The following ZNF407 variants were observed in gnomAD, a reference collection of about 807,000 sequenced individuals.
The protein encoded by ZNF407 is zinc finger protein 407.
Under a neutral mutation model 131.2 loss-of-function variants are expected in ZNF407, and 17 were observed. That is an observed-to-expected ratio of 0.13 (90% CI 0.09 to 0.19). ZNF407 has a LOEUF of 0.19. Among genes scored for constraint, ZNF407 ranks in the 10% least tolerant of loss-of-function variants. ZNF407 has a pLI of 1.00. For missense variants in ZNF407, 2,681 were observed against 2,830.6 expected, an observed-to-expected ratio of 0.95 and a Z score of 1.20; for synonymous variants, 1,156 against 1,062.0, an observed-to-expected ratio of 1.09 and a Z score of -1.72.
intron 3 of ZNF407, among the ~76,000 whole-genome samples, chr18:74,720,681 G>A (rs1260636931): frequency 2.0e-5 from 3 of 152,060 alleles, no homozygotes; most frequent in Non-Finnish European, 4.4e-5. Context: ...TTTGTGTAGG[G>A]TTAGAGGTGG....
chr18:75,052,920 A>C (rs940135364), intron 8 of ZNF407, among the ~76,000 whole-genome samples: 4 of 152,208 alleles, frequency 2.6e-5, no homozygotes, highest in Admixed American at 1.3e-4. Flanking sequence ...AGCTCCTTTC[A>C]AACAGGCTTT....
chr18:74,659,206 A>T (rs1258209508), intron 3 of ZNF407, among the ~76,000 whole-genome samples: 1 of 152,160 alleles, frequency 6.6e-6, no homozygotes, highest in Non-Finnish European at 1.5e-5. Context: ...TTGGATTTTG[A>T]TGATTTCATT....
At chr18:74,947,909 C>T (rs987269529) in intron 8 of ZNF407, among the ~76,000 whole-genome samples, 2 of 152,172 alleles carry the variant, frequency 1.3e-5, no homozygotes, top group African/African-American at 4.8e-5. Flanking sequence ...TTTTTATTGT[C>T]TTTTACACAA....
chr18:74,646,461 C>A (rs570688215), intron 3 of ZNF407, among the ~76,000 whole-genome samples: 1 of 151,950 alleles, frequency 6.6e-6, no homozygotes, highest in Non-Finnish European at 1.5e-5. Flanking sequence ...GTAAATGATA[C>A]GTTATATATT....
At chr18:74,728,589 G>A (rs1219866781) in intron 3 of ZNF407, among the ~76,000 whole-genome samples, 2 of 152,188 alleles carry the variant, frequency 1.3e-5, no homozygotes, top group Non-Finnish European at 2.9e-5. Flanking sequence ...TCAACAGATT[G>A]AGGTGTTGGT....
At chr18:75,045,076 A>C (rs1973417912) in intron 8 of ZNF407, among the ~76,000 whole-genome samples, 1 of 48,488 alleles carries the variant, frequency 2.1e-5, no homozygotes, top group African/African-American at 8.5e-5. Flanking sequence ...GGGTGTGGGC[A>C]TGTATGTGGG....
In ZNF407 at chr18:74,973,244, C is replaced by T. The variant is rs906548839; in HGVS notation, c.5428+52552C>T. ...AGTGTAGAAACTTTGTTTCCATTTG[C>T]TCTCCTTGACCATCTCTCATTTATA... On this transcript the variant is annotated intron_variant, in intron 8 of 8. Transcript: ENST00000299687. 2.6e-4 allele frequency among the ~76,000 whole-genome samples: 40 copies of T among 152,114 alleles called. 1 individual carries two copies. Among genetic ancestry groups the T allele is most frequent in the African/African-American group, 9.4e-4 (39 of 41,406 alleles).
chr18:74,631,630 A>G lies in ZNF407; in HGVS notation c.611A>G (p.His204Arg), dbSNP rs1984087844. The G allele has an allele frequency of 1.2e-6, 2 of 1,613,970 alleles. No homozygotes were observed. The highest frequency in any genetic ancestry group is 1.1e-5 in the South Asian group (1 of 91,070). Residue 204 changes from histidine to arginine, a missense_variant, in exon 2 of 9, where the codon CAT becomes CGT. Transcript: ENST00000299687. ...LFSSCSDLEK[H>R]AESHMQQPKE... ...TCTTCTTGCTCTGACTTGGAAAAACATGCTGAGTCTCACATGCAGCAGCCT... is the reference window on the plus strand; with the variant it reads ...TCTTCTTGCTCTGACTTGGAAAAACGTGCTGAGTCTCACATGCAGCAGCCT...
At chr18:74,779,109 A>ATATATATATATTTTT (rs397943457) in intron 3 of ZNF407, among the ~76,000 whole-genome samples, 2 of 24,376 alleles carry the variant, frequency 8.2e-5, no homozygotes, top group African/African-American at 1.4e-4. Flanking sequence ...ATATATATAT[A>ATATATATATATTTTT]TTTTTTTTTT....
At chr18:74,991,887 G>A (rs1163233783) in intron 8 of ZNF407, among the ~76,000 whole-genome samples, 1 of 152,158 alleles carries the variant, frequency 6.6e-6, no homozygotes, top group Non-Finnish European at 1.5e-5. Flanking sequence ...AAAATAATAG[G>A]TCCAAAACTT....
At chr18:74,906,958 T>C (rs1414690688) in intron 7 of ZNF407, among the ~76,000 whole-genome samples, 1 of 152,208 alleles carries the variant, frequency 6.6e-6, no homozygotes, top group Non-Finnish European at 1.5e-5. Flanking sequence ...TGTATGTGTA[T>C]ATGCATATGT....
At chr18:75,037,672 C>T (rs1432455868) in intron 8 of ZNF407, among the ~76,000 whole-genome samples, 3 of 151,978 alleles carry the variant, frequency 2.0e-5, no homozygotes, top group African/African-American at 7.3e-5. Flanking sequence ...GTAATGCTCG[C>T]GCTGGAATTT....
At chr18:74,722,215 G>A (rs949439824) in intron 3 of ZNF407, among the ~76,000 whole-genome samples, 8 of 151,588 alleles carry the variant, frequency 5.3e-5, no homozygotes, top group Non-Finnish European at 8.8e-5. Context: ...ACTGCTTTCC[G>A]TATTTCTCGT....
chr18:74,598,963 A>G (rs1982448820), intron 1 of ZNF407, among the ~76,000 whole-genome samples: 1 of 152,226 alleles, frequency 6.6e-6, no homozygotes, highest in East Asian at 1.9e-4. Flanking sequence ...TTACAGTCTT[A>G]ATAGTGATTT....
At chr18:75,010,497 G>T (rs1169036951) in intron 8 of ZNF407, among the ~76,000 whole-genome samples, 1 of 152,134 alleles carries the variant, frequency 6.6e-6, no homozygotes, top group African/African-American at 2.4e-5. Context: ...CCACTTCCTT[G>T]TGACTGCTAA....
chr18:74,628,107 A>G (rs1230620671), intron 1 of ZNF407, among the ~76,000 whole-genome samples: 1 of 152,138 alleles, frequency 6.6e-6, no homozygotes, highest in Non-Finnish European at 1.5e-5. Flanking sequence ...CTACTCTTAT[A>G]TAATTTATAT....
At chr18:74,613,986 A>G (rs768508003) in intron 1 of ZNF407, among the ~76,000 whole-genome samples, 6 of 152,224 alleles carry the variant, frequency 3.9e-5, no homozygotes, top group Non-Finnish European at 7.3e-5. Flanking sequence ...AGAACAAACA[A>G]CAGACTTTTT....
At chr18:74,657,393 A>G (rs1202190882) in intron 3 of ZNF407, among the ~76,000 whole-genome samples, 1 of 152,168 alleles carries the variant, frequency 6.6e-6, no homozygotes, top group African/African-American at 2.4e-5. Context: ...GGCATAATAC[A>G]CATATTTGTG....
chr18:74,849,078 T>TTTTTTTTC (rs1970744193), intron 4 of ZNF407, among the ~76,000 whole-genome samples: 1 of 150,466 alleles, frequency 6.6e-6, no homozygotes, highest in Non-Finnish European at 1.5e-5. Flanking sequence ...TTTTTTATTT[T>TTTTTTTTC]TTGTTGCTGT....
Sources: gnomAD v4.1 joint callset for allele counts (sites outside exome capture counted in the v4.1 genomes callset) on GRCh38, gnomAD v4.1.1 for gene constraint, MANE v1.5 for transcripts, NCBI Gene and HGNC (gene_info 2026-07-23, HGNC 2026-07-21) for gene names.